RPS21: variants seen among roughly 807,000 people sequenced by gnomAD.
RPS21 encodes the protein ribosomal protein S21.
A neutral mutation model predicts 14.5 loss-of-function variants in RPS21; 6 were observed. The observed-to-expected ratio is 0.41, with a 90% CI of 0.23 to 0.82. RPS21 has a LOEUF of 0.82. Ranked by LOEUF, RPS21 falls within the 40% of genes least tolerant of loss-of-function variation. The pLI, the probability that RPS21 is intolerant of heterozygous loss-of-function variation, is 0.31. For missense variants in RPS21, 85 were observed against 115.0 expected (o/e 0.74, Z 1.19); for synonymous variants, 61 against 42.6 (o/e 1.43, Z -1.69).
At chr20:62,387,553 C>A in intron 2 of RPS21, 58 bp from the exon 3 acceptor site, 3 of 1,592,418 alleles carry the variant, frequency 1.9e-6, no homozygotes, top group Non-Finnish European at 2.6e-6. Context: ...CCTCCCTCGT[C>A]CCCTCTTTCA....
chr20:62,388,414 C>G (rs775844263), intron 5 of RPS21, 43 bp from the exon 6 acceptor site: 1 of 1,613,508 alleles, frequency 6.2e-7, no homozygotes, highest in African/African-American at 1.3e-5. Flanking sequence ...TAGGACTGCT[C>G]CAGAGGCGTG....
chr20:62,388,403 C>T, intron 5 of RPS21, 39 bp downstream of exon 5: 1 of 1,613,412 alleles, frequency 6.2e-7, no homozygotes, highest in Non-Finnish European at 8.5e-7. Flanking sequence ...AGTGAGTGGA[C>T]TAGGACTGCT....
chr20:62,388,250 T>C (rs1987819771), intron 4 of RPS21, 59 bp from the exon 5 acceptor site: 2 of 1,548,356 alleles, frequency 1.3e-6, no homozygotes, highest in Middle Eastern at 1.7e-4. Flanking sequence ...GCTGACCTTC[T>C]GCCATCTCAG....
chr20:62,388,127 C>T, intron 4 of RPS21, 182 bp from the exon 5 acceptor site: 1 of 1,499,142 alleles, frequency 6.7e-7, no homozygotes, highest in Non-Finnish European at 8.9e-7. Context: ...AGGAGGTGCC[C>T]CCCCGACCCC....
Position 62,387,344 on chromosome 20 carries a change from G to A in RPS21, c.6G>A (p.Gln2=). ...AGGCGCAGCCCAGCCTCGAAATGCA[G>A]AACGACGCCGGCGAGTTCGTGGACC... M[Q]NDAGEFVDLY... Residue 2 remains glutamine, a synonymous_variant, in exon 2 of 6, where the codon CAG becomes CAA. Coordinates refer to ENST00000343986, the MANE Select transcript of RPS21 (RefSeq NM_001024.4). 1.9e-6 allele frequency: 3 copies of A among 1,603,364 alleles called. No homozygotes were observed. The highest frequency in any genetic ancestry group is 2.6e-6 in the Non-Finnish European group (3 of 1,175,532).
intron 1 of RPS21, 33 bp downstream of exon 1, chr20:62,387,169 G>A (rs1021498286): frequency 6.2e-5 from 35 of 560,992 alleles, no homozygotes; most frequent in Middle Eastern, 9.3e-4. Context: ...CGGGCTCAGG[G>A]CTGGGGCTGG....
chr20:62,387,369 C>T lies in RPS21; in HGVS notation c.31C>T (p.Leu11=). 6.2e-7 allele frequency: 1 copy of T among 1,608,210 alleles called. No homozygotes were observed. The highest frequency in any genetic ancestry group is 8.5e-7 in the Non-Finnish European group (1 of 1,177,654). The change falls in exon 2 of 6, where the codon CTG becomes TTG. Residue 11 remains leucine (L), a synonymous_variant. Coordinates refer to ENST00000343986, the MANE Select transcript of RPS21 (RefSeq NM_001024.4). MQNDAGEFVD[L]YVPRKCSASN... is the part of the protein sequence containing the mutation. ...GAACGACGCCGGCGAGTTCGTGGACCTGTACGTGCCGCGGAAATGGTAAGC... is the reference window on the plus strand; with the variant it reads ...GAACGACGCCGGCGAGTTCGTGGACTTGTACGTGCCGCGGAAATGGTAAGC...
At chr20:62,387,453 TG>T in intron 2 of RPS21, 65 bp downstream of exon 2, 1 of 1,599,534 alleles carries the variant, frequency 6.3e-7, no homozygotes, top group South Asian at 1.1e-5. Context: ...CGCCTGCCCT[TG>T]TTCCCCCACA....
chr20:62,387,165 C>T (rs1987757361), intron 1 of RPS21, 29 bp downstream of exon 1: 5 of 523,584 alleles, frequency 9.5e-6, no homozygotes, highest in Non-Finnish European at 1.6e-5. Flanking sequence ...GCTTCGGGCT[C>T]AGGGCTGGGG....
intron 1 of RPS21, 77 bp from the exon 2 acceptor site, chr20:62,387,244 A>T: frequency 9.1e-7 from 1 of 1,095,872 alleles, no homozygotes; most frequent in Non-Finnish European, 1.3e-6. Flanking sequence ...TGGGGCCGTG[A>T]CCCTAGGGGC....
intron 4 of RPS21, 23 bp from the exon 5 acceptor site, chr20:62,388,286 T>G (rs540712889): frequency 2.5e-6 from 4 of 1,576,214 alleles, no homozygotes; most frequent in South Asian, 1.2e-5. Context: ...ATATTCTTAG[T>G]GTGCTTTTTT....
At chr20:62,388,109 C>T (rs752162052) in intron 4 of RPS21, 195 bp downstream of exon 4, 5 of 1,520,224 alleles carry the variant, frequency 3.3e-6, no homozygotes, top group Non-Finnish European at 2.7e-6. Flanking sequence ...CAGACTCTGC[C>T]TCTCACTAGG....
Position 62,387,335 on chromosome 20 carries a change from C to A in RPS21, c.-4C>A. The A allele has an allele frequency of 6.3e-7, 1 of 1,599,568 alleles. No individual in the cohort carries two copies. The stretch of plus-strand genomic sequence containing the variant: ...TGACTCCCCAGGCGCAGCCCAGCCT[C>A]GAAATGCAGAACGACGCCGGCGAGT... On this transcript the variant is annotated 5_prime_UTR_variant, in exon 2 of 6. Coordinates refer to ENST00000343986, the MANE Select transcript of RPS21 (RefSeq NM_001024.4).
chr20:62,387,711 A>T, intron 3 of RPS21, 37 bp downstream of exon 3: 2 of 1,614,042 alleles, frequency 1.2e-6, no homozygotes, highest in Non-Finnish European at 1.7e-6. Flanking sequence ...AGGTTGTGAT[A>T]TATGTGCGGG....
At chr20:62,387,779 G>A (rs747476732) in intron 3 of RPS21, 64 bp from the exon 4 acceptor site, 2 of 1,613,822 alleles carry the variant, frequency 1.2e-6, no homozygotes, top group Non-Finnish European at 1.7e-6. Flanking sequence ...GGCAGAGGCT[G>A]GCTTTGAGGA....
At chr20:62,388,227 G>T in intron 4 of RPS21, 82 bp from the exon 5 acceptor site, 1 of 1,498,110 alleles carries the variant, frequency 6.7e-7, no homozygotes, top group East Asian at 2.4e-5. Context: ...GAGAGACGTG[G>T]GCTGGTGGCA....
intron 4 of RPS21, 27 bp downstream of exon 4, chr20:62,387,941 T>C: frequency 6.2e-7 from 1 of 1,614,220 alleles, no homozygotes. Flanking sequence ...GCTTTGCTCA[T>C]CACTTCGGGA....
At chr20:62,387,744 G>A (rs1258206619) in intron 3 of RPS21, 70 bp downstream of exon 3, 1 of 1,614,092 alleles carries the variant, frequency 6.2e-7, no homozygotes, top group Admixed American at 1.7e-5. Flanking sequence ...TCCCATTGTG[G>A]AGGAGCCCCT....
rs113533682 is a variant in RPS21 at position 62,387,335 on chromosome 20, C to T, written c.-4C>T. ...TGACTCCCCAGGCGCAGCCCAGCCT[C>T]GAAATGCAGAACGACGCCGGCGAGT... On this transcript the variant is annotated 5_prime_UTR_variant, in exon 2 of 6. Coordinates refer to ENST00000343986, the MANE Select transcript of RPS21 (RefSeq NM_001024.4). The T allele has an allele frequency of 5.0e-5, 80 of 1,599,568 alleles. No homozygotes were observed. The highest frequency in any genetic ancestry group is 5.0e-4 in the African/African-American group (37 of 74,670).
Sources: gnomAD v4.1 joint callset for allele counts on GRCh38, gnomAD v4.1.1 for gene constraint, MANE v1.5 for transcripts, NCBI Gene and HGNC (gene_info 2026-07-23, HGNC 2026-07-21) for gene names.